The following ROCK1 variants were observed in gnomAD, a reference collection of about 807,000 sequenced individuals.
ROCK1 encodes the protein Rho associated coiled-coil containing protein kinase 1.
A neutral mutation model predicts 196.8 loss-of-function variants in ROCK1; 36 were observed. The observed-to-expected ratio is 0.18, with a 90% CI of 0.14 to 0.24. The LOEUF is 0.24. Ranked by LOEUF, ROCK1 falls within the 10% of genes least tolerant of loss-of-function variation. The pLI, the probability that ROCK1 is intolerant of heterozygous loss-of-function variation, is 1.00. For synonymous variants in ROCK1, 443 were observed against 515.9 expected (o/e 0.86, Z 1.91); for missense variants, 920 against 1,562.0 (o/e 0.59, Z 6.93).
chr18:20,979,915 A>T lies in ROCK1; in HGVS notation c.2649T>A (p.Asn883Lys). 6.5e-7 allele frequency: 1 copy of T among 1,533,612 alleles called. No homozygotes were observed. The highest frequency in any genetic ancestry group is 1.2e-5 in the South Asian group (1 of 80,652). ...ENLKKIQELQ[N>K]EKETLATQLD... is the part of the protein sequence containing the mutation. ...CTAAAGTAAAATGGACATACTTTTC[A>T]TTTTGTAGTTCCTGTATTTTCTTTA... Residue 883 changes from asparagine (N) to lysine (K), a missense_variant, in exon 22 of 33, where the codon AAT becomes AAA. Physicochemically the swap from Asn to Lys is moderately conservative, Grantham distance 94. Transcript: ENST00000399799.
At chr18:21,066,650 G>A (rs1246618471) in intron 2 of ROCK1, among the ~76,000 whole-genome samples, 4 of 152,128 alleles carry the variant, frequency 2.6e-5, no homozygotes, top group Non-Finnish European at 4.4e-5. Flanking sequence ...TCAAAGTTTT[G>A]CATTTCCAGC....
At position 21,006,714 on chromosome 18, in the gene ROCK1, G is replaced by C. The variant is rs181254477; in HGVS notation, c.1623C>G (p.Ser541=). The stretch of plus-strand genomic sequence containing the variant: ...AAACACTTACCTGCTTTTGTAACTG[G>C]GACAGCTTCTCATTAGCAAGCTGTG... The part of the protein sequence containing the change: ...QNSQLANEKL[S]QLQKQLEEAN... The change falls in exon 15 of 33, where the codon TCC becomes TCG. Residue 541 remains serine (S), a synonymous_variant. Transcript: ENST00000399799. 6.2e-7 allele frequency: 1 copy of C among 1,601,652 alleles called. No individual in the cohort carries two copies. Among genetic ancestry groups the C allele is most frequent in the Non-Finnish European group, 8.5e-7 (1 of 1,176,510 alleles).
At chr18:21,063,992 A>G (rs2036313097) in intron 2 of ROCK1, among the ~76,000 whole-genome samples, 1 of 152,230 alleles carries the variant, frequency 6.6e-6, no homozygotes, top group African/African-American at 2.4e-5. Flanking sequence ...GCCTTGATTT[A>G]GAGGTATTTA....
At chr18:20,983,527 A>C (rs984694556) in intron 20 of ROCK1, among the ~76,000 whole-genome samples, 1 of 152,062 alleles carries the variant, frequency 6.6e-6, no homozygotes, top group Non-Finnish European at 1.5e-5. Flanking sequence ...AAAGCCTAGC[A>C]GCTAGGCTTG....
chr18:21,098,014 T>A (rs148380580), intron 1 of ROCK1, among the ~76,000 whole-genome samples: 157 of 152,306 alleles, frequency 1.0e-3, no homozygotes, highest in African/African-American at 3.6e-3. Flanking sequence ...TAAATGGATA[T>A]CACAGTGCTT....
chr18:21,046,733 C>T (rs78154834), intron 4 of ROCK1, among the ~76,000 whole-genome samples: 1 of 152,044 alleles, frequency 6.6e-6, no homozygotes, highest in Non-Finnish European at 1.5e-5. Context: ...CTAAAAAAAA[C>T]AAGCCCTAGA....
At position 21,008,198 on chromosome 18, in the gene ROCK1, G is replaced by A; in HGVS notation, c.1411-4C>T. On this transcript the variant is annotated splice_region_variant and splice_polypyrimidine_tract_variant and intron_variant, in intron 13 of 32. Coordinates refer to ENST00000399799, the MANE Select transcript of ROCK1 (RefSeq NM_005406.3). ...CTAGATTTCTTCTTTGATTTCCCTG[G>A]AATTATAATGATAAAAGTTACCACT... 6.4e-7 allele frequency: 1 copy of A among 1,557,812 alleles called. No individual in the cohort carries two copies. Among genetic ancestry groups the A allele is most frequent in the Non-Finnish European group, 8.7e-7 (1 of 1,150,398 alleles).
At chr18:21,051,981 T>C (rs1195678244) in intron 2 of ROCK1, among the ~76,000 whole-genome samples, 1 of 152,210 alleles carries the variant, frequency 6.6e-6, no homozygotes, top group African/African-American at 2.4e-5. Context: ...GGGAGAATTT[T>C]AAGAGTATTG....
chr18:20,981,350 T>C (rs1054875141), intron 21 of ROCK1, among the ~76,000 whole-genome samples: 39 of 151,674 alleles, frequency 2.6e-4, no homozygotes, highest in Non-Finnish European at 5.3e-4. Context: ...GCCAAGATCG[T>C]GCCACTTGCT....
chr18:21,095,751 G>GA (rs1226035926), intron 1 of ROCK1, among the ~76,000 whole-genome samples: 1 of 151,328 alleles, frequency 6.6e-6, no homozygotes, highest in Non-Finnish European at 1.5e-5. Context: ...AAACTAGCTA[G>GA]AAAAAATGAA....
At chr18:21,084,846 C>T (rs907939434) in intron 1 of ROCK1, among the ~76,000 whole-genome samples, 1 of 152,132 alleles carries the variant, frequency 6.6e-6, no homozygotes, top group Non-Finnish European at 1.5e-5. Context: ...AAGGTAGAAA[C>T]AACACAATTG....
chr18:21,049,937 A>G, intron 2 of ROCK1, 57 bp from the exon 3 acceptor site: 1 of 821,574 alleles, frequency 1.2e-6, no homozygotes, highest in South Asian at 1.8e-5. Flanking sequence ...AACTAGCACT[A>G]CTTATTTTAC....
chr18:21,071,875 G>C (rs1228716604), intron 1 of ROCK1, among the ~76,000 whole-genome samples: 1 of 152,156 alleles, frequency 6.6e-6, no homozygotes, highest in Non-Finnish European at 1.5e-5. Context: ...GTAAAATGAG[G>C]GATAATGATT....
intron 1 of ROCK1, among the ~76,000 whole-genome samples, chr18:21,109,054 C>T (rs1180667169): frequency 6.6e-6 from 1 of 152,184 alleles, no homozygotes; most frequent in Admixed American, 6.5e-5. Flanking sequence ...AAATCCTATC[C>T]ATCCATTATA....
Position 21,020,237 on chromosome 18 carries a change from C to T in ROCK1, c.1275G>A (p.Gln425=). The part of the protein sequence containing the change: ...RTSSNADKSL[Q]ESLQKTIYKL... ...TATAGATTGTTTTTTGCAAACTTTC[C>T]TGCTTTAATTTAAAACAAAAACAAA... Residue 425 remains glutamine (Q), a splice_region_variant and synonymous_variant, in exon 12 of 33, where the codon CAG becomes CAA. Transcript: ENST00000399799. 1.3e-6 allele frequency: 2 copies of T among 1,563,534 alleles called. No individual in the cohort carries two copies. The highest frequency in any genetic ancestry group is 1.2e-5 in the South Asian group (1 of 83,714).
At chr18:20,952,908 G>C (rs1237801701) in intron 32 of ROCK1, among the ~76,000 whole-genome samples, 1 of 152,124 alleles carries the variant, frequency 6.6e-6, no homozygotes, top group Non-Finnish European at 1.5e-5. Flanking sequence ...TCACTCGTAA[G>C]TGGGAGTTGA....
At chr18:21,028,647 G>C (rs1278243846) in intron 10 of ROCK1, 129 bp downstream of exon 10, 2 of 728,916 alleles carry the variant, frequency 2.7e-6, no homozygotes, top group Admixed American at 3.4e-5. Context: ...GAAATATCAT[G>C]CATCAATGAA....
intron 4 of ROCK1, 57 bp downstream of exon 4, chr18:21,049,035 C>T: frequency 1.4e-6 from 2 of 1,410,058 alleles, no homozygotes; most frequent in South Asian, 3.6e-5. Flanking sequence ...CTAAGCTTCT[C>T]AGACATGTTT....
intron 21 of ROCK1, among the ~76,000 whole-genome samples, chr18:20,982,232 G>C (rs2035539699): frequency 6.6e-6 from 1 of 152,146 alleles, no homozygotes; most frequent in African/African-American, 2.4e-5. Context: ...AACACTCAGG[G>C]AAAGAGTTTT....
Sources: allele counts gnomAD v4.1 joint callset (sites outside exome capture counted in the v4.1 genomes callset), GRCh38; gene constraint gnomAD v4.1.1; transcripts MANE v1.5; gene names NCBI Gene and HGNC (gene_info 2026-07-23, HGNC 2026-07-21).